The following AMPH variants were observed in gnomAD, a reference collection of about 807,000 sequenced individuals.
AMPH encodes the protein amphiphysin (Stiff-Mann syndrome with breast cancer 128kD autoantigen).
In AMPH, 49 loss-of-function variants were observed where a neutral mutation model predicts 99.1. The observed-to-expected ratio is 0.49, with a 90% CI of 0.39 to 0.63. AMPH has a LOEUF of 0.63. Ranked by LOEUF, AMPH falls within the 20% of genes least tolerant of loss-of-function variation. The pLI is 0.00. For missense variants in AMPH, 759 were observed against 863.4 expected, an observed-to-expected ratio of 0.88 and a Z score of 1.52; for synonymous variants, 314 against 317.3, an observed-to-expected ratio of 0.99 and a Z score of 0.11.
chr7:38,385,658 C>T (rs549742715), intron 20 of AMPH, among the ~76,000 whole-genome samples: 26 of 152,296 alleles, frequency 1.7e-4, no homozygotes, highest in African/African-American at 5.8e-4. Flanking sequence ...TCCTCATAAA[C>T]ATTTGTCTGT....
At position 38,458,795 on chromosome 7, in the gene AMPH, CA is replaced by C. The variant is rs777360167; in HGVS notation, c.1017+2487del. 6.6e-5 allele frequency among the ~76,000 whole-genome samples: 10 copies of C among 152,066 alleles called. No homozygotes were observed. In the East Asian group the frequency reaches 1.7e-3, roughly 26 times the overall value. On this transcript the variant is annotated intron_variant, in intron 11 of 20. Transcript: ENST00000356264. ...AAGCTGAAAGCCTTTCTTCTATGAA[CA>C]AGATAAGGAACAAGATAAGGATGCC...
At chr7:38,447,043 G>A (rs1288744029) in intron 11 of AMPH, among the ~76,000 whole-genome samples, 1 of 151,294 alleles carries the variant, frequency 6.6e-6, no homozygotes, top group Non-Finnish European at 1.5e-5. Flanking sequence ...GTTTGAGACG[G>A]AGTTTCACTC....
At chr7:38,442,885 A>G (rs1296463250) in intron 11 of AMPH, among the ~76,000 whole-genome samples, 1 of 149,616 alleles carries the variant, frequency 6.7e-6, no homozygotes, top group East Asian at 2.1e-4. Context: ...CAAAAGACAG[A>G]GTGAGAACAA....
At chr7:38,578,176 A>G (rs748092322) in intron 1 of AMPH, among the ~76,000 whole-genome samples, 2 of 152,198 alleles carry the variant, frequency 1.3e-5, no homozygotes, top group Non-Finnish European at 2.9e-5. Context: ...GACATCAAGA[A>G]TAATCAAGTG....
intron 2 of AMPH, 52 bp from the exon 3 acceptor site, chr7:38,503,756 A>T: frequency 1.3e-6 from 2 of 1,572,886 alleles, no homozygotes; most frequent in Non-Finnish European, 1.7e-6. Context: ...TCTGCATGAA[A>T]ACATGTAAGA....
At chr7:38,474,159 G>T (rs1787998168) in intron 7 of AMPH, among the ~76,000 whole-genome samples, 1 of 152,024 alleles carries the variant, frequency 6.6e-6, no homozygotes, top group Admixed American at 6.6e-5. Context: ...AAAAATGATA[G>T]ATTGATTATT....
intron 2 of AMPH, among the ~76,000 whole-genome samples, chr7:38,510,935 T>C (rs988438874): frequency 3.9e-5 from 6 of 152,198 alleles, no homozygotes; most frequent in African/African-American, 1.2e-4. Flanking sequence ...ATGTGATTCA[T>C]ATCACAGAGT....
At chr7:38,468,800 C>T (rs1787764527) in intron 7 of AMPH, among the ~76,000 whole-genome samples, 1 of 152,204 alleles carries the variant, frequency 6.6e-6, no homozygotes, top group Middle Eastern at 3.4e-3. Flanking sequence ...GCACTCATTC[C>T]ACTATAAGAG....
At chr7:38,470,757 T>C (rs1416158662) in intron 7 of AMPH, among the ~76,000 whole-genome samples, 1 of 152,142 alleles carries the variant, frequency 6.6e-6, no homozygotes, top group African/African-American at 2.4e-5. Flanking sequence ...CATATCTTTT[T>C]GAATTTCCTA....
rs941015608 is a variant in AMPH, at chr7:38,427,143, G to A, written c.1183-157C>T. On this transcript the variant is annotated intron_variant, in intron 14 of 20. Transcript: ENST00000356264. ...CATGAAAGAACTTAGGAAATGCAAA[G>A]GCCACACTGTATGATTTTAAATAGG... is the stretch of plus-strand genomic sequence containing the variant. 3.3e-5 allele frequency among the ~76,000 whole-genome samples: 5 copies of A among 151,194 alleles called. No individual in the cohort carries two copies. The Admixed American group carries it at 3.3e-4, about 10-fold the overall frequency.
At chr7:38,492,065 G>A (rs1162356924) in intron 4 of AMPH, among the ~76,000 whole-genome samples, 1 of 152,140 alleles carries the variant, frequency 6.6e-6, no homozygotes, top group Non-Finnish European at 1.5e-5. Flanking sequence ...CACATTCCAG[G>A]TCTCTTGACA....
At chr7:38,552,911 T>C (rs1791230403) in intron 1 of AMPH, among the ~76,000 whole-genome samples, 3 of 152,206 alleles carry the variant, frequency 2.0e-5, no homozygotes, top group South Asian at 2.1e-4. Flanking sequence ...GAGACAAAGA[T>C]GCAACCTTCT....
Position 38,631,357 on chromosome 7 carries a change from C to T in AMPH, c.-6G>A. 1 of 1,547,044 alleles carries T rather than the reference C, an allele frequency of 6.5e-7. No homozygotes were observed. The highest frequency in any genetic ancestry group is 2.5e-5 in the East Asian group (1 of 39,334). ...CCCGTCTTGATGTCGGCCATGGCTG[C>T]GGGTCCGGGGAGCTGCGAAGAGCAG... On this transcript the variant is annotated 5_prime_UTR_variant, in exon 1 of 21. Coordinates refer to ENST00000356264, the MANE Select transcript of AMPH (RefSeq NM_001635.4).
At chr7:38,402,980 C>T (rs934797114) in intron 17 of AMPH, among the ~76,000 whole-genome samples, 3 of 152,034 alleles carry the variant, frequency 2.0e-5, no homozygotes, top group Non-Finnish European at 4.4e-5. Flanking sequence ...TCAGCTTTCT[C>T]GTGAATCTTC....
intron 15 of AMPH, 95 bp downstream of exon 15, chr7:38,426,859 T>G (rs1584074098): frequency 8.7e-7 from 1 of 1,143,188 alleles, no homozygotes; most frequent in East Asian, 2.4e-5. Context: ...TTCTTAATCA[T>G]TACGCTATAC....
intron 14 of AMPH, among the ~76,000 whole-genome samples, chr7:38,427,266 A>T (rs1217142975): frequency 3.3e-5 from 5 of 152,184 alleles, no homozygotes; most frequent in Non-Finnish European, 7.3e-5. Flanking sequence ...TGAGAAGATG[A>T]TTCCAGAAAA....
intron 17 of AMPH, among the ~76,000 whole-genome samples, chr7:38,414,486 C>T (rs1435328796): frequency 6.6e-6 from 1 of 151,878 alleles, no homozygotes; most frequent in Non-Finnish European, 1.5e-5. Flanking sequence ...CAGGCACTGA[C>T]AGAAATTTAG....
Position 38,571,072 on chromosome 7 carries a change from AGAATATATATATTCATATATT to A in AMPH, c.70-36082_70-36062del, listed in dbSNP as rs1387555245. On this transcript the variant is annotated intron_variant, in intron 1 of 20. Transcript: ENST00000356264. ...ATATATTCATATATTGAATATATAT[AGAATATATATATTCATATATT>A]GAATATATATATTCATATATACAGT... is the stretch of plus-strand genomic sequence containing the variant. 2.0e-4 allele frequency among the ~76,000 whole-genome samples: 11 copies of A among 55,534 alleles called. 4 individuals carry two copies. The highest frequency in any genetic ancestry group is 3.0e-4 in the Admixed American group (1 of 3,348). The allele number at this position is 55,534 out of a possible 152,430, so 36.4% of individuals were successfully genotyped here.
chr7:38,460,414 T>C (rs1019340259), intron 11 of AMPH, among the ~76,000 whole-genome samples: 1 of 152,134 alleles, frequency 6.6e-6, no homozygotes, highest in Non-Finnish European at 1.5e-5. Flanking sequence ...GCACTATTGA[T>C]AACAGTAAAG....
Sources: allele counts gnomAD v4.1 joint callset (sites outside exome capture counted in the v4.1 genomes callset), GRCh38; gene constraint gnomAD v4.1.1; transcripts MANE v1.5; gene names NCBI Gene and HGNC (gene_info 2026-07-23, HGNC 2026-07-21).